The following ROBO2 variants were observed in gnomAD, a reference collection of about 807,000 sequenced individuals.
ROBO2 encodes roundabout homolog 2.
A neutral mutation model predicts 160.8 loss-of-function variants in ROBO2; 53 were observed. The ratio of observed to expected loss-of-function variants is 0.33; its 90% confidence interval spans 0.26 to 0.41. The LOEUF (loss-of-function observed/expected upper bound fraction) is 0.41, where lower values mean the gene tolerates loss of function less well. Ranked by LOEUF, ROBO2 falls within the 10% of genes least tolerant of loss-of-function variation. The probability of loss-of-function intolerance (pLI) is 1.00; values close to 1 mark genes in which losing one functional copy is unlikely to be tolerated. For synonymous variants in ROBO2, 664 were observed against 611.7 expected (o/e 1.09, Z -1.26); for missense variants, 1,577 against 1,722.4 (o/e 0.92, Z 1.49).
chr3:76,300,937 CT>C (rs1559733578), intron 2 of ROBO2, among the ~76,000 whole-genome samples: 2 of 152,052 alleles, frequency 1.3e-5, no homozygotes, highest in Admixed American at 6.6e-5. Flanking sequence ...ACATGACATA[CT>C]CTTTATCTAA....
chr3:76,445,916 A>G (rs1487092710), intron 2 of ROBO2, among the ~76,000 whole-genome samples: 5 of 152,168 alleles, frequency 3.3e-5, no homozygotes, highest in South Asian at 4.1e-4. Context: ...ATTTATGACA[A>G]ACCCACAGCC....
chr3:77,558,460 T>A (rs2153659002), intron 9 of ROBO2, among the ~76,000 whole-genome samples: 1 of 152,128 alleles, frequency 6.6e-6, no homozygotes, highest in African/African-American at 2.4e-5. Flanking sequence ...GTATTGGAAA[T>A]GACAAAAACA....
chr3:76,434,788 A>AG, intron 2 of ROBO2: 1 of 1,318,714 alleles, frequency 7.6e-7, no homozygotes, highest in Non-Finnish European at 1.1e-6. Flanking sequence ...CAGATTAATC[A>AG]GGGGGAGAGC....
At chr3:77,077,004 T>A (rs1269808300) in intron 1 of ROBO2, among the ~76,000 whole-genome samples, 1 of 152,172 alleles carries the variant, frequency 6.6e-6, no homozygotes, top group African/African-American at 2.4e-5. Context: ...TACTGATAAA[T>A]GTGCTGTCTC....
chr3:77,240,252 C>T (rs1166224112), intron 2 of ROBO2, among the ~76,000 whole-genome samples: 6 of 152,276 alleles, frequency 3.9e-5, no homozygotes, highest in East Asian at 1.9e-4. Context: ...AGCTGAGACC[C>T]GGCAAGAATT....
intron 2 of ROBO2, among the ~76,000 whole-genome samples, chr3:76,033,005 A>G: frequency 6.6e-6 from 1 of 152,162 alleles, no homozygotes; most frequent in East Asian, 1.9e-4. Flanking sequence ...TGAAGCCTTA[A>G]AAAGACAGAA....
chr3:76,115,219 C>A (rs2070411897), intron 2 of ROBO2, among the ~76,000 whole-genome samples: 1 of 152,126 alleles, frequency 6.6e-6, no homozygotes, highest in Admixed American at 6.6e-5. Flanking sequence ...AAACTCCCAA[C>A]ATCAGCATTT....
intron 2 of ROBO2, among the ~76,000 whole-genome samples, chr3:77,199,680 G>T (rs7428231): frequency 0.039 from 5,620 of 143,760 alleles, 142 homozygotes; most frequent in African/African-American, 0.067. Context: ...TCTGAGTGCA[G>T]TGGTACAATT....
intron 16 of ROBO2, among the ~76,000 whole-genome samples, chr3:77,588,302 C>G (rs2094102536): frequency 6.6e-6 from 1 of 152,050 alleles, no homozygotes; most frequent in Non-Finnish European, 1.5e-5. Context: ...CATTAAGTTA[C>G]ATGTTCTTGT....
At position 76,499,445 on chromosome 3, in the gene ROBO2, C is replaced by T. The variant is rs372341487; in HGVS notation, c.109+561843C>T. Among the ~76,000 whole-genome samples, 20 of 152,292 alleles carry T rather than the reference C, an allele frequency of 1.3e-4. No individual in the cohort carries two copies. The East Asian group carries it at 2.9e-3, about 22-fold the overall frequency. Reference sequence around the variant, plus strand: ...ATGTCCAACCTCTATTCTTCATCATCTGGAGAATACACTCCACTTCCTTCT... The same window carrying T: ...ATGTCCAACCTCTATTCTTCATCATTTGGAGAATACACTCCACTTCCTTCT... On this transcript the variant is annotated intron_variant, in intron 2 of 26. Coordinates refer to the ROBO2 transcript ENST00000487694.
At chr3:76,846,556 A>G (rs1440062687) in intron 2 of ROBO2, among the ~76,000 whole-genome samples, 3 of 152,162 alleles carry the variant, frequency 2.0e-5, no homozygotes, top group Admixed American at 6.6e-5. Context: ...AATTACTATT[A>G]ACACTGATGG....
chr3:75,923,867 A>G (rs368594125), intron 1 of ROBO2, among the ~76,000 whole-genome samples: 3 of 152,306 alleles, frequency 2.0e-5, no homozygotes, highest in South Asian at 2.1e-4. Context: ...TTTGTGGCAT[A>G]ACAGCTAAAG....
At chr3:76,356,486 CA>C (rs1031559715) in intron 2 of ROBO2, among the ~76,000 whole-genome samples, 4 of 151,348 alleles carry the variant, frequency 2.6e-5, no homozygotes, top group African/African-American at 9.7e-5. Flanking sequence ...CTATATCATA[CA>C]AAAGTATAAG....
At chr3:77,607,277 A>G (rs2094543730) in intron 20 of ROBO2, among the ~76,000 whole-genome samples, 1 of 152,222 alleles carries the variant, frequency 6.6e-6, no homozygotes, top group Admixed American at 6.5e-5. Context: ...CAAAATATTT[A>G]CAGGTATTTT....
rs541665608 is a variant in ROBO2, at chr3:77,074,687, C to T, written c.62-23327C>T. On this transcript the variant is annotated intron_variant, in intron 1 of 25. Coordinates refer to ENST00000461745, the Ensembl canonical transcript of ROBO2. The stretch of plus-strand genomic sequence containing the variant: ...CATCACCTTTATTGTTTGATCTCCC[C>T]TTCTGTGATGTATATTGCTCACTGA... Among the ~76,000 whole-genome samples, 3 of 152,182 alleles carry T rather than the reference C, an allele frequency of 2.0e-5. No homozygotes were observed. In the South Asian group the frequency reaches 6.2e-4, roughly 32 times the overall value.
intron 2 of ROBO2, among the ~76,000 whole-genome samples, chr3:76,117,733 G>A (rs550846447): frequency 2.0e-5 from 3 of 151,978 alleles, no homozygotes; most frequent in Non-Finnish European, 2.9e-5. Context: ...CTGCTCTTCC[G>A]AAGCTTACAT....
chr3:76,062,193 G>T (rs966281773), intron 2 of ROBO2, among the ~76,000 whole-genome samples: 1 of 152,116 alleles, frequency 6.6e-6, no homozygotes, highest in African/African-American at 2.4e-5. Flanking sequence ...CAAAAATGGA[G>T]CCGACTTTTA....
At chr3:76,925,968 G>A (rs1247800142) in intron 2 of ROBO2, among the ~76,000 whole-genome samples, 1 of 152,206 alleles carries the variant, frequency 6.6e-6, no homozygotes, top group East Asian at 1.9e-4. Flanking sequence ...GGACAGGCCT[G>A]TCATATGATT....
intron 2 of ROBO2, among the ~76,000 whole-genome samples, chr3:76,986,527 A>G (rs995171091): frequency 6.6e-6 from 1 of 152,126 alleles, no homozygotes; most frequent in East Asian, 1.9e-4. Flanking sequence ...AAAGTTCTTG[A>G]CTTTCAGGGG....
Sources: gnomAD v4.1 joint callset for allele counts (sites outside exome capture counted in the v4.1 genomes callset) on GRCh38, gnomAD v4.1.1 for gene constraint, MANE v1.5 for transcripts, NCBI Gene and HGNC (gene_info 2026-07-23, HGNC 2026-07-21) for gene names.